TXK: variants seen among roughly 807,000 people sequenced by gnomAD.
TXK encodes the protein TXK tyrosine kinase.
TXK carries 60 observed loss-of-function variants against 81.0 expected under a neutral mutation model. The ratio of observed to expected loss-of-function variants is 0.74; its 90% CI spans 0.60 to 0.92. The LOEUF (loss-of-function observed/expected upper bound fraction) is 0.92, where lower values mean the gene tolerates loss of function less well. TXK is among the 40% of genes least tolerant of loss of function. TXK has a pLI of 0.00. For synonymous variants in TXK, 203 were observed against 210.7 expected (o/e 0.96, Z 0.32); for missense variants, 581 against 638.3 (o/e 0.91, Z 0.97).
intron 11 of TXK, among the ~76,000 whole-genome samples, chr4:48,079,634 C>T (rs1313768051): frequency 6.6e-6 from 1 of 152,170 alleles, no homozygotes; most frequent in African/African-American, 2.4e-5. Flanking sequence ...CCTGCACAGC[C>T]GGTTCTGTGT....
rs1448248991 is a variant in TXK at position 48,107,881 on chromosome 4, T to A, written c.446+2657A>T. 3.6e-5 allele frequency among the ~76,000 whole-genome samples: 5 copies of A among 138,046 alleles called. No homozygotes were observed. The East Asian group carries it at 1.0e-3, about 28-fold the overall frequency. The allele number at this position is 138,046 out of a possible 152,430, so 90.6% of individuals were successfully genotyped here. On this transcript the variant is annotated intron_variant, in intron 5 of 14. Transcript: ENST00000264316. ...ATTGAGACCATCCTGGCTAACACCG[T>A]GAAACTCTGTCTCTACTTAAAAAAA...
chr4:48,131,320 T>G (rs1361425801), intron 1 of TXK, among the ~76,000 whole-genome samples: 1 of 71,652 alleles, frequency 1.4e-5, no homozygotes, highest in Admixed American at 1.6e-4. Flanking sequence ...ATATAAACTT[T>G]TTTTTTTTTT....
At chr4:48,114,434 A>G in intron 1 of TXK, 32 bp from the exon 2 acceptor site, 1 of 1,610,202 alleles carries the variant, frequency 6.2e-7, no homozygotes, top group Non-Finnish European at 8.5e-7. Flanking sequence ...AGCTGTTAGA[A>G]AGCCATGAGT....
intron 1 of TXK, among the ~76,000 whole-genome samples, chr4:48,123,893 C>T (rs569986832): frequency 6.6e-6 from 1 of 152,284 alleles, no homozygotes; most frequent in Admixed American, 6.5e-5. Context: ...CCAATTCCTG[C>T]TGCACCAGCT....
intron 14 of TXK, among the ~76,000 whole-genome samples, chr4:48,070,573 T>TATTC (rs1427236451): frequency 6.6e-6 from 1 of 152,100 alleles, no homozygotes; most frequent in Admixed American, 6.5e-5. Flanking sequence ...TTTATTTGCT[T>TATTC]ATTTATTTAT....
At chr4:48,074,718 C>T (rs553514452) in intron 12 of TXK, among the ~76,000 whole-genome samples, 9 of 152,234 alleles carry the variant, frequency 5.9e-5, no homozygotes, top group African/African-American at 1.9e-4. Flanking sequence ...TAAACTTGTG[C>T]TTGTTGCCCC....
intron 1 of TXK, among the ~76,000 whole-genome samples, chr4:48,122,119 A>G (rs1718977440): frequency 6.6e-6 from 1 of 152,142 alleles, no homozygotes; most frequent in African/African-American, 2.4e-5. Flanking sequence ...CAGCAGCCAG[A>G]GTAATTAATT....
intron 1 of TXK, among the ~76,000 whole-genome samples, chr4:48,125,158 C>T (rs1298608339): frequency 6.6e-6 from 1 of 152,186 alleles, no homozygotes; most frequent in African/African-American, 2.4e-5. Context: ...GCCATTTATC[C>T]AGTCACATAA....
chr4:48,124,303 T>C (rs926556230), intron 1 of TXK, among the ~76,000 whole-genome samples: 8 of 152,110 alleles, frequency 5.3e-5, no homozygotes, highest in African/African-American at 1.9e-4. Context: ...CACCTTCCAA[T>C]TGTGGAAACC....
intron 11 of TXK, among the ~76,000 whole-genome samples, chr4:48,077,094 AAT>A (rs1367026072): frequency 1.3e-5 from 2 of 152,240 alleles, no homozygotes; most frequent in East Asian, 3.8e-4. Context: ...AAATTAAGAA[AAT>A]ATATTTTAAA....
intron 11 of TXK, 110 bp from the exon 12 acceptor site, chr4:48,076,576 C>A (rs6850108): frequency 0.6 from 495,790 of 820,522 alleles, 154,516 homozygotes; most frequent in East Asian, 0.93. Context: ...TCTGTGTGTA[C>A]CGCCAAGTCA....
chr4:48,075,370 C>T (rs1414689889), intron 12 of TXK, among the ~76,000 whole-genome samples: 3 of 151,948 alleles, frequency 2.0e-5, no homozygotes, highest in Admixed American at 6.6e-5. Context: ...TAAAGAACGC[C>T]GGCCAGGTGA....
At chr4:48,076,049 A>G (rs1169853870) in intron 12 of TXK, among the ~76,000 whole-genome samples, 2 of 152,266 alleles carry the variant, frequency 1.3e-5, no homozygotes, top group East Asian at 3.8e-4. Context: ...CAGAAAAATC[A>G]GAGCTGAGCA....
chr4:48,118,467 C>T (rs927551298), intron 1 of TXK, among the ~76,000 whole-genome samples: 1 of 152,154 alleles, frequency 6.6e-6, no homozygotes, highest in Non-Finnish European at 1.5e-5. Flanking sequence ...TCATATATGC[C>T]ACTTCTGTAT....
chr4:48,073,940 G>T lies in TXK; in HGVS notation c.1352C>A (p.Ser451Ter). 2.5e-6 allele frequency: 4 copies of T among 1,596,384 alleles called. No homozygotes were observed. In the South Asian group the frequency reaches 3.4e-5, roughly 13 times the overall value. ...TGAACATCAGATGCACTCACCAAAT[G>T]ACCAGACATCAGATTTACTGCTGTA... The part of the protein sequence containing the change: ...NKYSSKSDVW[S>*]FGVLMWEVFT... Residue 451 changes from serine to a stop codon, truncating the protein, a stop_gained, in exon 13 of 15, where the codon TCA (serine) becomes TAA (stop). Transcript: ENST00000264316. LOFTEE classifies it high-confidence loss of function.
chr4:48,076,435 C>A lies in TXK; in HGVS notation c.1205G>T (p.Cys402Phe). The A allele has an allele frequency of 6.2e-7, 1 of 1,612,722 alleles. No homozygotes were observed. The highest frequency in any genetic ancestry group is 8.5e-7 in the Non-Finnish European group (1 of 1,179,508). Residue 402 changes from cysteine (C) to phenylalanine (F), a missense_variant, in exon 12 of 15, where the codon TGC becomes TTC. Transcript: ENST00000264316. ...TCCAAAGTCTGAAATTTTTACTATG[C>A]ATGTTGAACTGACCAAACAATTCCT... ...AARNCLVSST[C>F]IVKISDFGMT...
At chr4:48,069,260 C>T (rs1322764671) in intron 14 of TXK, among the ~76,000 whole-genome samples, 12 of 151,964 alleles carry the variant, frequency 7.9e-5, no homozygotes, top group Non-Finnish European at 8.8e-5. Context: ...TGTGATTGTG[C>T]CACTGCACTG....
At chr4:48,083,024 T>C (rs1232900571) in intron 10 of TXK, among the ~76,000 whole-genome samples, 2 of 152,196 alleles carry the variant, frequency 1.3e-5, no homozygotes, top group Non-Finnish European at 2.9e-5. Context: ...GACAAGAGCT[T>C]GAGATACAGA....
chr4:48,071,577 T>C lies in TXK; in HGVS notation c.1455A>G (p.Leu485=), dbSNP rs763986018. Residue 485 remains leucine (L), a synonymous_variant, in exon 14 of 15, where the codon CTA becomes CTG. Transcript: ENST00000264316. ...ACATTGGTGCCAGGTGAGGGCGATA[T>C]AGCCTGAAGCCTTCAGAAATAGCTT... is the stretch of plus-strand genomic sequence containing the variant. The part of the protein sequence containing the change: ...VVEAISEGFR[L]YRPHLAPMSI... 8 of 1,614,188 alleles carry C rather than the reference T, an allele frequency of 5.0e-6. No individual in the cohort carries two copies. Among genetic ancestry groups the C allele is most frequent in the Non-Finnish European group, 6.8e-6 (8 of 1,180,024 alleles).
Sources: allele counts gnomAD v4.1 joint callset (sites outside exome capture counted in the v4.1 genomes callset), GRCh38; gene constraint gnomAD v4.1.1; transcripts MANE v1.5; gene names NCBI Gene and HGNC (gene_info 2026-07-23, HGNC 2026-07-21).